The following KIAA1217 variants were observed in gnomAD, a reference collection of about 807,000 sequenced individuals.
KIAA1217 encodes sickle tail protein homolog.
KIAA1217 carries 88 observed loss-of-function variants against 163.9 expected under a neutral mutation model. The ratio of observed to expected loss-of-function variants is 0.54; its 90% confidence interval spans 0.45 to 0.64. The LOEUF (loss-of-function observed/expected upper bound fraction) is 0.64, where lower values mean the gene tolerates loss of function less well. Ranked by LOEUF, KIAA1217 falls within the 30% of genes least tolerant of loss-of-function variation. KIAA1217 has a pLI of 0.00. For missense variants in KIAA1217, 2,372 were observed against 2,475.0 expected, an observed-to-expected ratio of 0.96 and a Z score of 0.88; for synonymous variants, 903 against 923.1, an observed-to-expected ratio of 0.98 and a Z score of 0.39.
At chr10:23,979,301 C>G (rs1346722356) in intron 1 of KIAA1217, among the ~76,000 whole-genome samples, 1 of 152,194 alleles carries the variant, frequency 6.6e-6, no homozygotes, top group East Asian at 1.9e-4. Context: ...TTCACCCGCC[C>G]AAGTTGACAT....
chr10:23,763,096 C>T (rs1311211493), intron 1 of KIAA1217, among the ~76,000 whole-genome samples: 1 of 152,082 alleles, frequency 6.6e-6, no homozygotes, highest in Non-Finnish European at 1.5e-5. Context: ...CAAACCACTG[C>T]TCAAGGAAAT....
At chr10:24,291,191 A>G (rs1245576522) in intron 2 of KIAA1217, among the ~76,000 whole-genome samples, 1 of 152,190 alleles carries the variant, frequency 6.6e-6, no homozygotes, top group East Asian at 1.9e-4. Context: ...GCTATCCTAG[A>G]GCCCAGTCCC....
At chr10:23,719,004 T>A (rs1837723941) in intron 1 of KIAA1217, among the ~76,000 whole-genome samples, 1 of 152,262 alleles carries the variant, frequency 6.6e-6, no homozygotes, top group Non-Finnish European at 1.5e-5. Context: ...TCAGAAAGCA[T>A]CCTTAAACAT....
chr10:24,283,772 A>G (rs916002121), intron 2 of KIAA1217, among the ~76,000 whole-genome samples: 5 of 152,216 alleles, frequency 3.3e-5, no homozygotes, highest in Admixed American at 6.5e-5. Flanking sequence ...GTTGCTCTGC[A>G]TCCTGGTCAG....
chr10:24,065,754 C>T (rs796433136), intron 2 of KIAA1217, among the ~76,000 whole-genome samples: 3 of 152,028 alleles, frequency 2.0e-5, no homozygotes, highest in African/African-American at 7.2e-5. Flanking sequence ...TTAAAGTCTC[C>T]CATTATTATT....
intron 2 of KIAA1217, among the ~76,000 whole-genome samples, chr10:24,170,748 A>T (rs750150108): frequency 4.0e-4 from 61 of 152,210 alleles, no homozygotes; most frequent in Non-Finnish European, 7.2e-4. Flanking sequence ...CCCAAATCCA[A>T]ATAAGTGCCC....
At chr10:23,824,411 T>A (rs1588893162) in intron 1 of KIAA1217, among the ~76,000 whole-genome samples, 1 of 151,298 alleles carries the variant, frequency 6.6e-6, no homozygotes, top group East Asian at 1.9e-4. Context: ...GGGCAGACGA[T>A]GAGGTCAGGA....
At position 24,278,729 on chromosome 10, in the gene KIAA1217, G is replaced by A. The variant is rs934514580; in HGVS notation, c.354+58820G>A. Reference sequence around the variant, plus strand: ...TGTTACCACTAGCGTGCTCTACAGTGTTATGCTAGAGAGAAATTTACTTCC... The same window carrying A: ...TGTTACCACTAGCGTGCTCTACAGTATTATGCTAGAGAGAAATTTACTTCC... On this transcript the variant is annotated intron_variant, in intron 2 of 20. Transcript: ENST00000376454. 2.0e-5 allele frequency among the ~76,000 whole-genome samples: 3 copies of A among 152,092 alleles called. No individual in the cohort carries two copies. In the East Asian group the frequency reaches 5.8e-4, roughly 29 times the overall value.
At chr10:23,943,823 G>C (rs1380414552) in intron 1 of KIAA1217, among the ~76,000 whole-genome samples, 3 of 152,118 alleles carry the variant, frequency 2.0e-5, no homozygotes, top group Non-Finnish European at 2.9e-5. Flanking sequence ...AAAGTGCCAA[G>C]GCAATTCAAT....
chr10:24,431,991 A>C (rs1440767837), intron 3 of KIAA1217, among the ~76,000 whole-genome samples: 1 of 152,164 alleles, frequency 6.6e-6, no homozygotes, highest in Non-Finnish European at 1.5e-5. Context: ...TGGACTAGAC[A>C]GATTTAAGCT....
At chr10:23,925,740 G>T (rs879765378) in intron 1 of KIAA1217, among the ~76,000 whole-genome samples, 2 of 152,140 alleles carry the variant, frequency 1.3e-5, no homozygotes, top group Non-Finnish European at 2.9e-5. Flanking sequence ...AGACAGACTG[G>T]ATTCATTTCT....
At chr10:24,204,781 C>A (rs539644247), upstream of KIAA1217, among the ~76,000 whole-genome samples, 1 of 152,228 alleles carries the variant, frequency 6.6e-6, no homozygotes, top group Admixed American at 6.5e-5. Context: ...ATTTCACATG[C>A]GCCAGATCAT....
chr10:23,773,216 G>A (rs985220223), intron 1 of KIAA1217, among the ~76,000 whole-genome samples: 12 of 152,088 alleles, frequency 7.9e-5, no homozygotes, highest in African/African-American at 2.4e-4. Flanking sequence ...TGTACACTCA[G>A]GGAATCATTT....
intron 3 of KIAA1217, among the ~76,000 whole-genome samples, chr10:24,429,853 G>A (rs1385206413): frequency 6.6e-6 from 1 of 152,118 alleles, no homozygotes; most frequent in African/African-American, 2.4e-5. Context: ...TCAAAAATCT[G>A]TTTGTCAGGC....
intron 2 of KIAA1217, among the ~76,000 whole-genome samples, chr10:24,099,793 A>C (rs1427517605): frequency 7.5e-6 from 1 of 132,982 alleles, no homozygotes; most frequent in African/African-American, 2.9e-5. Context: ...CCTGTGTCCA[A>C]GTGTTCTCAT....
chr10:24,489,860 CAAAAAAAAAA>C (rs11393718), intron 6 of KIAA1217, among the ~76,000 whole-genome samples: 9 of 64,924 alleles, frequency 1.4e-4, no homozygotes, highest in African/African-American at 1.7e-4. Flanking sequence ...GAGAACCTGT[CAAAAAAAAAA>C]AAAAAAAAAA....
intron 2 of KIAA1217, among the ~76,000 whole-genome samples, chr10:24,175,756 CT>C (rs2065855182): frequency 6.6e-6 from 1 of 152,104 alleles, no homozygotes; most frequent in South Asian, 2.1e-4. Flanking sequence ...AGGAGTGAGG[CT>C]GCAGACCTTC....
chr10:23,754,194 T>C (rs1004273437), intron 1 of KIAA1217, among the ~76,000 whole-genome samples: 2 of 152,200 alleles, frequency 1.3e-5, no homozygotes, highest in Non-Finnish European at 2.9e-5. Flanking sequence ...CATTCATACA[T>C]TGTTAAACAA....
intron 5 of KIAA1217, among the ~76,000 whole-genome samples, chr10:24,443,359 C>T (rs143301415): frequency 9.5e-4 from 144 of 152,256 alleles, no homozygotes; most frequent in South Asian, 1.7e-3. Flanking sequence ...ACCCAGGCAC[C>T]GTGGCTGCTG....
Sources: gnomAD v4.1 joint callset for allele counts (sites outside exome capture counted in the v4.1 genomes callset) on GRCh38, gnomAD v4.1.1 for gene constraint, MANE v1.5 for transcripts, NCBI Gene and HGNC (gene_info 2026-07-23, HGNC 2026-07-21) for gene names.